Variants in THOC2 observed in about 807,000 individuals in gnomAD.
The protein encoded by THOC2 is THO complex subunit 2.
In THOC2, 10 loss-of-function variants were observed where a neutral mutation model predicts 128.4. That is an observed-to-expected ratio of 0.08 (90% CI 0.05 to 0.13). The LOEUF is 0.13. Ranked by LOEUF, THOC2 falls within the 10% of genes least tolerant of loss-of-function variation. The probability of loss-of-function intolerance (pLI) is 1.00; values close to 1 mark genes in which losing one functional copy is unlikely to be tolerated. For synonymous variants in THOC2, 393 were observed against 396.9 expected (o/e 0.99, Z 0.12); for missense variants, 535 against 1,155.7 (o/e 0.46, Z 7.79).
intron 15 of THOC2, among the ~76,000 whole-genome samples, chrX:123,641,857 T>C (rs2047925456): frequency 8.9e-6 from 1 of 112,287 alleles, no homozygotes; most frequent in Admixed American, 9.5e-5. Flanking sequence ...TCAAAACTCA[T>C]GAAATTCTAC....
Position 123,644,790 on chromosome X carries a change from T to C in THOC2, c.1548A>G (p.Pro516=). Reference sequence around the variant, plus strand: ...TAATATGTATTTACCTATGCTGATATGGAAATGTTTTAAACATTCCCCATA... The same window carrying C: ...TAATATGTATTTACCTATGCTGATACGGAAATGTTTTAAACATTCCCCATA... ...EELWGMFKTF[P]YQHRYRLYGQ... Residue 516 remains proline (P), a synonymous_variant, in exon 14 of 39, where the codon CCA becomes CCG. Coordinates refer to ENST00000245838, the MANE Select transcript of THOC2 (RefSeq NM_001081550.2). The C allele has an allele frequency of 8.3e-7, 1 of 1,199,080 alleles. No homozygotes were observed. The highest frequency in any genetic ancestry group is 1.1e-6 in the Non-Finnish European group (1 of 887,303).
intron 7 of THOC2, among the ~76,000 whole-genome samples, chrX:123,692,302 C>T (rs1319642559): frequency 9.0e-6 from 1 of 111,168 alleles, no homozygotes; most frequent in Non-Finnish European, 1.9e-5. Flanking sequence ...TATGACTTGG[C>T]AGCTCAATAG....
At chrX:123,639,929 T>A (rs1378720790) in intron 16 of THOC2, among the ~76,000 whole-genome samples, 1 of 112,417 alleles carries the variant, frequency 8.9e-6, no homozygotes, top group African/African-American at 3.2e-5. Flanking sequence ...CTCACGCCTA[T>A]AATCCTAGCA....
At chrX:123,660,956 A>G (rs1457125367) in intron 12 of THOC2, among the ~76,000 whole-genome samples, 5 of 112,432 alleles carry the variant, frequency 4.4e-5, no homozygotes, top group Non-Finnish European at 1.9e-5. Context: ...TGGTGTATAT[A>G]TATATACACA....
At chrX:123,714,552 A>G (rs1329698721) in intron 1 of THOC2, among the ~76,000 whole-genome samples, 1 of 112,175 alleles carries the variant, frequency 8.9e-6, no homozygotes, top group African/African-American at 3.2e-5. Context: ...TTCATACACT[A>G]CTTTCCATAG....
intron 38 of THOC2, among the ~76,000 whole-genome samples, chrX:123,607,456 ATTTAT>A (rs2046519924): frequency 9.6e-6 from 1 of 104,158 alleles, no homozygotes; most frequent in Non-Finnish European, 2.0e-5. Flanking sequence ...TTATTTATTT[ATTTAT>A]TTATTTATTT....
chrX:123,715,088 T>G lies in THOC2; in HGVS notation c.72-2180A>C, dbSNP rs914099010. 3.8e-5 allele frequency among the ~76,000 whole-genome samples: 4 copies of G among 105,445 alleles called. No homozygotes were observed. In the East Asian group the frequency reaches 1.2e-3, roughly 32 times the overall value. The allele number at this position is 105,445 out of a possible 115,157, so 91.6% of individuals were successfully genotyped here. On this transcript the variant is annotated intron_variant, in intron 1 of 38. Transcript: ENST00000245838. ...AGGCTGGACTGTAATGGCAAAATCT[T>G]GGCTCACTGCAGCCTCGACCTGAGC... is the stretch of plus-strand genomic sequence containing the variant.
At chrX:123,609,886 G>A (rs1236087291) in intron 38 of THOC2, among the ~76,000 whole-genome samples, 11 of 109,848 alleles carry the variant, frequency 1.0e-4, no homozygotes, top group South Asian at 7.9e-4. Flanking sequence ...AAAATTAGCC[G>A]GGCGCGGTGG....
Position 123,706,842 on chromosome X carries a change from AT to A in THOC2, c.222+15del, listed in dbSNP as rs765900852. On this transcript the variant is annotated intron_variant, in intron 3 of 38. Transcript: ENST00000245838. Reference sequence around the variant, plus strand: ...ATATAACAACTATTAACTTAAAAAAATATATACATACTTACACTAATGTCAC... The same window carrying A: ...ATATAACAACTATTAACTTAAAAAAAATATACATACTTACACTAATGTCAC... 6.7e-4 allele frequency: 615 copies of A among 912,514 alleles called. 8 individuals are homozygous for A. In the South Asian group the frequency reaches 0.014, roughly 21 times the overall value. The allele number at this position is 912,514 out of a possible 1,213,427, so 75.2% of individuals were successfully genotyped here. A position where few individuals can be genotyped will look rare whatever the true frequency, so the allele number is the denominator to read the frequency against.
Position 123,600,927 on chromosome X carries a change from AAC to A in THOC2, c.*428_*429del, listed in dbSNP as rs1305461274. ...AAGAACAAGCCAAATAATAAATTAA[AAC>A]AGTTTTAAAATGAGGTAAAATCAAA... On this transcript the variant is annotated 3_prime_UTR_variant, in exon 39 of 39. Transcript: ENST00000245838. The A allele has an allele frequency of 8.9e-6, 1 of 112,632 alleles. No homozygotes were observed. The highest frequency in any genetic ancestry group is 2.8e-4 in the East Asian group (1 of 3,616). The allele number at this position is 112,632 out of a possible 1,213,427, so 9.3% of individuals were successfully genotyped here.
chrX:123,643,947 G>A (rs1051665356), intron 15 of THOC2, among the ~76,000 whole-genome samples: 3 of 111,915 alleles, frequency 2.7e-5, no homozygotes, highest in Non-Finnish European at 3.8e-5. Context: ...CAATAGCCTC[G>A]TTGAAAACAC....
chrX:123,732,861 C>T, intron 1 of THOC2, 91 bp downstream of exon 1: 1 of 980,010 alleles, frequency 1.0e-6, no homozygotes. Context: ...GGGGGTACAT[C>T]TTTCCCCCTC....
intron 1 of THOC2, among the ~76,000 whole-genome samples, chrX:123,728,116 TTAAA>T (rs2052074615): frequency 8.9e-6 from 1 of 111,865 alleles, no homozygotes; most frequent in Non-Finnish European, 1.9e-5. Context: ...TTAAATGTAG[TTAAA>T]TAAAGTGCTA....
intron 12 of THOC2, among the ~76,000 whole-genome samples, chrX:123,660,764 G>A (rs1418847450): frequency 9.0e-6 from 1 of 111,421 alleles, no homozygotes; most frequent in Non-Finnish European, 1.9e-5. Context: ...ACATATTTGT[G>A]GGGTACCTGT....
At chrX:123,716,334 C>T (rs1312256237) in intron 1 of THOC2, among the ~76,000 whole-genome samples, 2 of 111,339 alleles carry the variant, frequency 1.8e-5, no homozygotes, top group Non-Finnish European at 3.8e-5. Flanking sequence ...AATCCCAGCA[C>T]TTTGGGAGGC....
Position 123,667,291 on chromosome X carries a change from A to G in THOC2, c.1018-13T>C. On this transcript the variant is annotated splice_polypyrimidine_tract_variant and intron_variant, in intron 10 of 38. Coordinates refer to ENST00000245838, the MANE Select transcript of THOC2 (RefSeq NM_001081550.2). ...GGTTATCAGGTGGCTAAAAATGAATAGTCAAAACTAAGATACTCAGGATAC... is the reference window on the plus strand; with the variant it reads ...GGTTATCAGGTGGCTAAAAATGAATGGTCAAAACTAAGATACTCAGGATAC... The G allele has an allele frequency of 1.7e-6, 2 of 1,166,746 alleles. No individual in the cohort carries two copies. Among genetic ancestry groups the G allele is most frequent in the Non-Finnish European group, 1.2e-6 (1 of 865,238 alleles).
intron 12 of THOC2, among the ~76,000 whole-genome samples, chrX:123,658,081 C>T (rs191098784): frequency 2.7e-5 from 3 of 109,130 alleles, no homozygotes; most frequent in Non-Finnish European, 5.7e-5. Flanking sequence ...TTGTAAGGTA[C>T]TCACACTACC....
intron 2 of THOC2, among the ~76,000 whole-genome samples, chrX:123,708,256 T>A (rs1368359882): frequency 8.9e-6 from 1 of 112,188 alleles, no homozygotes; most frequent in Non-Finnish European, 1.9e-5. Flanking sequence ...CTATTGCTAT[T>A]TGCTATTGCT....
rs938482966 is a variant in THOC2, at chrX:123,705,544, TA to T, written c.222+1313del. ...GGTAGCAACTGAATTTTTTTAACGT[TA>T]AAAAAAAAGGAATTTGACTACTCCA... is the stretch of plus-strand genomic sequence containing the variant. On this transcript the variant is annotated intron_variant, in intron 3 of 38. Coordinates refer to ENST00000245838, the MANE Select transcript of THOC2 (RefSeq NM_001081550.2). Among the ~76,000 whole-genome samples the T allele has an allele frequency of 6.0e-3, 653 of 108,803 alleles. 4 individuals carry two copies. Among genetic ancestry groups the T allele is most frequent in the Middle Eastern group, 0.028 (6 of 216 alleles). 94.5% of individuals were successfully genotyped at this position (108,803 alleles called of 115,157 possible).
Sources: allele counts gnomAD v4.1 joint callset (sites outside exome capture counted in the v4.1 genomes callset), GRCh38; gene constraint gnomAD v4.1.1; transcripts MANE v1.5; gene names NCBI Gene and HGNC (gene_info 2026-07-23, HGNC 2026-07-21).